ANPEP: variants seen among roughly 807,000 people sequenced by gnomAD.
ANPEP encodes aminopeptidase N.
A neutral mutation model predicts 114.6 loss-of-function variants in ANPEP; 70 were observed. The observed-to-expected ratio is 0.61, with a 90% CI of 0.50 to 0.75. The LOEUF (loss-of-function observed/expected upper bound fraction) is 0.75, where lower values mean the gene tolerates loss of function less well. ANPEP is among the 30% of genes least tolerant of loss of function. The pLI is 0.00. For synonymous variants in ANPEP, 548 were observed against 522.3 expected, an observed-to-expected ratio of 1.05 and a Z score of -0.67; for missense variants, 1,184 against 1,259.5, an observed-to-expected ratio of 0.94 and a Z score of 0.91.
intron 1 of ANPEP, among the ~76,000 whole-genome samples, chr15:89,810,780 C>G (rs757044146): frequency 3.3e-5 from 5 of 152,198 alleles, no homozygotes; most frequent in Non-Finnish European, 7.3e-5. Context: ...TGATCCAGCC[C>G]CCAGTGATTC....
rs1352479878 is a variant in ANPEP at position 89,799,440 on chromosome 15, G to A, written c.1939C>T (p.Gln647Ter). Residue 647 changes from glutamine (Q) to a stop codon, truncating the protein, a stop_gained, in exon 13 of 21, where the codon CAG becomes TAG. Transcript: ENST00000300060. LOFTEE classifies it high-confidence loss of function. This position sits in a 1 kb window ranked among gnomAD's most constrained non-coding sequence, Gnocchi z 4.2. The part of the protein sequence containing the change: ...ENWRKIQTQL[Q>*]RDHSAIPVIN... ...CAGACACTCACCGAGTGGTCTCTCT[G>A]CAGCTGAGTCTGAATCTTCCTCCAG... is the stretch of plus-strand genomic sequence containing the variant. 1.2e-6 allele frequency: 2 copies of A among 1,614,200 alleles called. No homozygotes were observed. The highest frequency in any genetic ancestry group is 1.7e-5 in the Admixed American group (1 of 60,028).
chr15:89,789,329 C>T (rs1567153531), intron 20 of ANPEP, among the ~76,000 whole-genome samples: 2 of 152,086 alleles, frequency 1.3e-5, no homozygotes, highest in African/African-American at 4.8e-5. Flanking sequence ...TCCAAGTTGA[C>T]TTTGTCAAGC....
At chr15:89,801,666 G>A (rs1440433541) in intron 10 of ANPEP, 59 bp from the exon 11 acceptor site, 57 of 1,577,866 alleles carry the variant, frequency 3.6e-5, no homozygotes, top group Non-Finnish European at 4.5e-5. Flanking sequence ...CTGCCATCCA[G>A]GGCATCTCCT....
chr15:89,807,036 T>C (rs1894730412), intron 1 of ANPEP: 2 of 163,602 alleles, frequency 1.2e-5, no homozygotes, highest in African/African-American at 4.8e-5. Context: ...GAGAAGGGGT[T>C]CCCGGCTCCT....
In ANPEP at chr15:89,803,700, TCTC is replaced by T; in HGVS notation, c.1381_1383del (p.Glu461del). 1 of 1,613,276 alleles carries T rather than the reference TCTC, an allele frequency of 6.2e-7. No individual in the cohort carries two copies. Among genetic ancestry groups the T allele is most frequent in the Non-Finnish European group, 8.5e-7 (1 of 1,179,620 alleles). On this transcript the variant is annotated inframe_deletion, in exon 8 of 21. Transcript: ENST00000300060. The surrounding 1 kb of genome is among the most constrained non-coding windows in gnomAD (Gnocchi z 4.2). ...TCACTGATCTGGGCCGGCGTGTTGA[TCTC>T]CGAGGCGGGTGTGGACAGCGGGTGG...
intron 20 of ANPEP, among the ~76,000 whole-genome samples, chr15:89,787,289 C>T (rs1306512143): frequency 1.3e-5 from 2 of 152,138 alleles, no homozygotes; most frequent in East Asian, 3.9e-4. Context: ...TCATGATCCA[C>T]CTGCCTTGGC....
At chr15:89,794,503 A>T (rs921664752) in intron 15 of ANPEP, among the ~76,000 whole-genome samples, 4 of 152,124 alleles carry the variant, frequency 2.6e-5, no homozygotes, top group African/African-American at 9.6e-5. Flanking sequence ...TAAATAAATA[A>T]AAATAAATAA....
chr15:89,805,851 C>T (rs1894699656), intron 2 of ANPEP, 119 bp downstream of exon 2: 1 of 1,363,300 alleles, frequency 7.3e-7, no homozygotes, highest in East Asian at 2.3e-5. Flanking sequence ...AGCAATGGGC[C>T]AGTCTCGGGC....
chr15:89,801,737 G>A, intron 10 of ANPEP, 130 bp from the exon 11 acceptor site: 2 of 1,102,018 alleles, frequency 1.8e-6, no homozygotes, highest in Non-Finnish European at 1.3e-6. Context: ...AGGGCACTGG[G>A]CTGGGAGCCG....
chr15:89,808,631 G>A (rs553478293), intron 1 of ANPEP, among the ~76,000 whole-genome samples: 2 of 152,228 alleles, frequency 1.3e-5, no homozygotes, highest in East Asian at 3.9e-4. Context: ...CAGAAGAAGT[G>A]CCTGCCTCTT....
intron 11 of ANPEP, 82 bp from the exon 12 acceptor site, chr15:89,801,269 C>T: frequency 6.4e-7 from 1 of 1,561,788 alleles, no homozygotes; most frequent in Non-Finnish European, 8.8e-7. Context: ...CTCCCAGCTT[C>T]TGCCCAGCTC....
At chr15:89,786,929 C>T (rs537486994) in intron 20 of ANPEP, among the ~76,000 whole-genome samples, 16 of 151,912 alleles carry the variant, frequency 1.1e-4, no homozygotes, top group Non-Finnish European at 1.3e-4. Context: ...CTTGGACAAC[C>T]GGATATCCAC....
rs112384629 is a variant in ANPEP at position 89,804,291 on chromosome 15, G to A, written c.1141C>T (p.Arg381Trp). 31 of 1,614,078 alleles carry A rather than the reference G, an allele frequency of 1.9e-5. No individual in the cohort carries two copies. The highest frequency in any genetic ancestry group is 1.6e-4 in the Middle Eastern group (1 of 6,084). ...PLSSSSSNKE[R>W]VVTVIAHELA... ...TCATGAGCAATCACAGTGACCACCC[G>A]CTCCTTGTTGCTGCTGGAGGAGGAC... The change falls in exon 6 of 21, where the codon CGG becomes TGG. Residue 381 changes from arginine to tryptophan, a missense_variant. Arg to Trp is a moderately radical substitution (Grantham distance 101, BLOSUM62 -3). Coordinates refer to ENST00000300060, the MANE Select transcript of ANPEP (RefSeq NM_001150.3).
At chr15:89,793,505 A>T (rs1968671996) in intron 15 of ANPEP, among the ~76,000 whole-genome samples, 1 of 152,114 alleles carries the variant, frequency 6.6e-6, no homozygotes, top group Non-Finnish European at 1.5e-5. Flanking sequence ...GTTCGAGATC[A>T]GCCTGGGCAA....
In ANPEP at chr15:89,806,599, G is replaced by T. The variant is rs1479142753; in HGVS notation, c.-16C>A. 6.4e-7 allele frequency: 1 copy of T among 1,567,004 alleles called. No homozygotes were observed. The highest frequency in any genetic ancestry group is 8.7e-7 in the Non-Finnish European group (1 of 1,154,286). On this transcript the variant is annotated 5_prime_UTR_variant, in exon 2 of 21. Coordinates refer to ENST00000300060, the MANE Select transcript of ANPEP (RefSeq NM_001150.3). This position sits in a 1 kb window ranked among gnomAD's most constrained non-coding sequence, Gnocchi z 5.7. ...CCTTGGCCATGGTGATGGTGGGGAGGCGGCTCAGGGAGCCTCAGGCCAGGC... is the reference window on the plus strand; with the variant it reads ...CCTTGGCCATGGTGATGGTGGGGAGTCGGCTCAGGGAGCCTCAGGCCAGGC...
chr15:89,790,973 G>T lies in ANPEP; in HGVS notation c.2649C>A (p.Asn883Lys), dbSNP rs144085303. The stretch of plus-strand genomic sequence containing the variant: ...CTCACTCGTTAAAAAGCTTCTTCCA[G>T]TTGCTCTGGACAAAGTCCCAGACCA... ...QGLVWDFVQSNWKKLFNDYGG... is the reference protein window; with the variant it reads ...QGLVWDFVQSKWKKLFNDYGG... The change falls in exon 19 of 21, where the codon AAC (asparagine) becomes AAA (lysine). Residue 883 changes from asparagine (N) to lysine (K), a missense_variant. Asn to Lys is a moderately conservative substitution (Grantham distance 94). Transcript: ENST00000300060. The T allele has an allele frequency of 6.2e-7, 1 of 1,614,004 alleles. No individual in the cohort carries two copies. Among genetic ancestry groups the T allele is most frequent in the African/African-American group, 1.3e-5 (1 of 74,920 alleles).
At chr15:89,813,111 C>T (rs1208504792) in intron 1 of ANPEP, among the ~76,000 whole-genome samples, 1 of 152,044 alleles carries the variant, frequency 6.6e-6, no homozygotes, top group Non-Finnish European at 1.5e-5. Context: ...GGCTGCCAGC[C>T]TATGTGAATA....
At chr15:89,786,005 T>A (rs1028695707) in intron 20 of ANPEP, among the ~76,000 whole-genome samples, 1 of 152,212 alleles carries the variant, frequency 6.6e-6, no homozygotes, top group Non-Finnish European at 1.5e-5. Flanking sequence ...TTTGCATACA[T>A]AAAAATTTTA....
At chr15:89,801,877 G>A (rs186637429) in intron 10 of ANPEP, among the ~76,000 whole-genome samples, 1 of 152,300 alleles carries the variant, frequency 6.6e-6, no homozygotes, top group Admixed American at 6.5e-5. Context: ...TCAGGGAGGG[G>A]GTGCCCAGGA....
Sources: allele counts gnomAD v4.1 joint callset (sites outside exome capture counted in the v4.1 genomes callset), GRCh38; gene constraint gnomAD v4.1.1; non-coding constraint Gnocchi (gnomAD v3.1); transcripts MANE v1.5; gene names NCBI Gene and HGNC (gene_info 2026-07-23, HGNC 2026-07-21).